Variants in SAMD12 observed in about 807,000 individuals in gnomAD.
SAMD12 encodes sterile alpha motif domain-containing protein 12.
A neutral mutation model predicts 15.0 loss-of-function variants in SAMD12; 9 were observed. The ratio of observed to expected loss-of-function variants is 0.60; its 90% CI spans 0.36 to 1.05. The LOEUF (loss-of-function observed/expected upper bound fraction) is 1.05, where lower values mean the gene tolerates loss of function less well. SAMD12 is among the 50% of genes least tolerant of loss of function. The pLI, the probability that SAMD12 is intolerant of heterozygous loss-of-function variation, is 0.01. For missense variants in SAMD12, 230 were observed against 234.2 expected, an observed-to-expected ratio of 0.98 and a Z score of 0.12; for synonymous variants, 86 against 90.1, an observed-to-expected ratio of 0.96 and a Z score of 0.25.
intron 4 of SAMD12, among the ~76,000 whole-genome samples, chr8:118,344,594 G>C (rs911116984): frequency 1.3e-5 from 2 of 152,132 alleles, no homozygotes; most frequent in African/African-American, 4.8e-5. Flanking sequence ...TCTGGAAATG[G>C]AAACAACAGA....
At chr8:118,611,741 TAGG>T (rs1828117030) in intron 1 of SAMD12, among the ~76,000 whole-genome samples, 1 of 152,240 alleles carries the variant, frequency 6.6e-6, no homozygotes, top group Non-Finnish European at 1.5e-5. Context: ...ACTGTTTGTC[TAGG>T]AGTTCTGTAG....
chr8:118,353,957 T>C (rs1473508935), intron 4 of SAMD12, among the ~76,000 whole-genome samples: 1 of 152,166 alleles, frequency 6.6e-6, no homozygotes, highest in Non-Finnish European at 1.5e-5. Context: ...GTTTCCTCCC[T>C]CCCTGCAGGC....
intron 2 of SAMD12, among the ~76,000 whole-genome samples, chr8:118,455,037 A>T (rs965898379): frequency 7.2e-5 from 11 of 152,138 alleles, no homozygotes; most frequent in Non-Finnish European, 1.0e-4. Context: ...GAGTTGTATG[A>T]GCTAACTGAA....
At chr8:118,216,812 A>T (rs1811971921) in intron 4 of SAMD12, among the ~76,000 whole-genome samples, 1 of 151,516 alleles carries the variant, frequency 6.6e-6, no homozygotes, top group African/African-American at 2.4e-5. Flanking sequence ...TTAAGTAATA[A>T]AGCTTATTCT....
chr8:118,365,175 C>A (rs1818703175), intron 4 of SAMD12, among the ~76,000 whole-genome samples: 1 of 152,148 alleles, frequency 6.6e-6, no homozygotes, highest in Non-Finnish European at 1.5e-5. Flanking sequence ...CCCTTCTGAC[C>A]AACTCCTAAC....
intron 2 of SAMD12, among the ~76,000 whole-genome samples, chr8:118,470,306 T>A (rs1354865573): frequency 6.6e-6 from 1 of 151,498 alleles, no homozygotes; most frequent in African/African-American, 2.4e-5. Context: ...AATAAAAAAA[T>A]AACATGGAAA....
intron 3 of SAMD12, among the ~76,000 whole-genome samples, chr8:118,436,489 A>G (rs973573937): frequency 5.9e-5 from 9 of 151,958 alleles, no homozygotes; most frequent in Non-Finnish European, 8.8e-5. Context: ...TGTCTTTTTT[A>G]TTTACCGTCA....
intron 4 of SAMD12, among the ~76,000 whole-genome samples, chr8:118,327,854 T>G (rs2130483769): frequency 6.6e-6 from 1 of 152,260 alleles, no homozygotes; most frequent in East Asian, 1.9e-4. Flanking sequence ...ACATCTCCCA[T>G]TCAGAAGAGG....
chr8:118,563,402 C>A (rs528838518), intron 2 of SAMD12, among the ~76,000 whole-genome samples: 2 of 152,166 alleles, frequency 1.3e-5, no homozygotes, highest in Non-Finnish European at 2.9e-5. Flanking sequence ...GCCATCCATA[C>A]CCAGAATATA....
intron 4 of SAMD12, among the ~76,000 whole-genome samples, chr8:118,213,877 T>C (rs1811895994): frequency 6.6e-6 from 1 of 152,064 alleles, no homozygotes; most frequent in Admixed American, 6.6e-5. Flanking sequence ...TGAGATGAAG[T>C]CTAGGTCAAT....
the SAMD12 span, among the ~76,000 whole-genome samples, chr8:118,132,970 GTGTATATATATATATATA>G: frequency 0.011 from 767 of 67,536 alleles, 63 homozygotes; most frequent in African/African-American, 0.038. Flanking sequence ...ATGTGTGTGT[GTGTATATATATATATATA>G]TATATATATA....
intron 1 of SAMD12, among the ~76,000 whole-genome samples, chr8:118,616,513 A>G (rs1828243198): frequency 6.6e-6 from 1 of 152,234 alleles, no homozygotes; most frequent in Non-Finnish European, 1.5e-5. Flanking sequence ...CTTGTGTTCT[A>G]TGAAGGGAAA....
chr8:118,137,477 C>T, the SAMD12 span, among the ~76,000 whole-genome samples: 14 of 152,218 alleles, frequency 9.2e-5, no homozygotes, highest in Non-Finnish European at 1.8e-4. Flanking sequence ...TTTAGTTATA[C>T]GAAGTCAGCG....
downstream of SAMD12, among the ~76,000 whole-genome samples, chr8:118,375,395 C>A (rs558118772): frequency 1.3e-5 from 2 of 152,114 alleles, no homozygotes; most frequent in Admixed American, 6.6e-5. Context: ...TCTTTACACA[C>A]TAAACATCAC....
At position 118,413,855 on chromosome 8, in the gene SAMD12, C is replaced by T. The variant is rs374744996; in HGVS notation, c.322+25977G>A. 2.5e-4 allele frequency among the ~76,000 whole-genome samples: 35 copies of T among 140,136 alleles called. No individual in the cohort carries two copies. The East Asian group carries it at 6.9e-3, about 27-fold the overall frequency. 91.9% of individuals were successfully genotyped at this position (140,136 alleles called of 152,430 possible). A position where few individuals can be genotyped will look rare whatever the true frequency, so the allele number is the denominator to read the frequency against. ...CACATTTTATAACATTGCTTATAGT[C>T]ATTTCTATTACTTCAAATTTGAAAG... is the stretch of plus-strand genomic sequence containing the variant. On this transcript the variant is annotated intron_variant, in intron 3 of 3. Coordinates refer to ENST00000314727, the MANE Select transcript of SAMD12 (RefSeq NM_207506.3).
At chr8:118,144,244 C>T in the SAMD12 span, among the ~76,000 whole-genome samples, 2 of 152,196 alleles carry the variant, frequency 1.3e-5, no homozygotes, top group African/African-American at 4.8e-5. Flanking sequence ...ATTACATCTT[C>T]GAAGACTTTT....
intron 2 of SAMD12, among the ~76,000 whole-genome samples, chr8:118,454,992 A>T (rs778147748): frequency 6.6e-6 from 1 of 152,134 alleles, no homozygotes; most frequent in Non-Finnish European, 1.5e-5. Flanking sequence ...GATGAATAAC[A>T]TTGCCTGGTT....
At chr8:118,557,225 G>A (rs978387408) in intron 2 of SAMD12, among the ~76,000 whole-genome samples, 2 of 152,142 alleles carry the variant, frequency 1.3e-5, no homozygotes, top group Non-Finnish European at 2.9e-5. Flanking sequence ...GAGACCTGAT[G>A]GTTTATAAGG....
At chr8:118,467,222 G>A (rs897833222) in intron 2 of SAMD12, among the ~76,000 whole-genome samples, 1 of 152,124 alleles carries the variant, frequency 6.6e-6, no homozygotes, top group Non-Finnish European at 1.5e-5. Context: ...ATAGTTTGGG[G>A]ATGCTAAAGT....
Sources: gnomAD v4.1 joint callset for allele counts (sites outside exome capture counted in the v4.1 genomes callset) on GRCh38, gnomAD v4.1.1 for gene constraint, MANE v1.5 for transcripts, NCBI Gene and HGNC (gene_info 2026-07-23, HGNC 2026-07-21) for gene names.